The following LRRTM4 variants were observed in gnomAD, a reference collection of about 807,000 sequenced individuals.
LRRTM4 encodes the protein leucine-rich repeat transmembrane neuronal protein 4.
LRRTM4 carries 25 observed loss-of-function variants against 47.6 expected under a neutral mutation model. The ratio of observed to expected loss-of-function variants is 0.53; its 90% CI spans 0.38 to 0.73. The LOEUF (loss-of-function observed/expected upper bound fraction) is 0.73. Ranked by LOEUF, LRRTM4 falls within the 30% of genes least tolerant of loss-of-function variation. LRRTM4 has a pLI of 0.00. For missense variants in LRRTM4, 638 were observed against 713.4 expected (o/e 0.89, Z 1.20); for synonymous variants, 311 against 269.5 (o/e 1.15, Z -1.51).
chr2:77,243,773 C>T (rs1013354341), intron 3 of LRRTM4, among the ~76,000 whole-genome samples: 5 of 145,696 alleles, frequency 3.4e-5, no homozygotes, highest in Non-Finnish European at 6.0e-5. Context: ...TTTCTTTTTC[C>T]TTTTTTTTTA....
chr2:76,993,991 C>G (rs1027728635), intron 3 of LRRTM4, among the ~76,000 whole-genome samples: 1 of 151,938 alleles, frequency 6.6e-6, no homozygotes, highest in African/African-American at 2.4e-5. Context: ...TTATCCTAAG[C>G]AGATTAATGC....
chr2:76,934,904 G>A (rs183700544), intron 3 of LRRTM4, among the ~76,000 whole-genome samples: 23 of 151,854 alleles, frequency 1.5e-4, no homozygotes, highest in Non-Finnish European at 2.4e-4. Context: ...TCTAGTTTAT[G>A]ATTAAAGTAA....
chr2:76,973,598 C>G (rs1676295822), intron 3 of LRRTM4, among the ~76,000 whole-genome samples: 2 of 151,826 alleles, frequency 1.3e-5, no homozygotes, highest in South Asian at 4.1e-4. Context: ...TATTGCAGAC[C>G]ATATTACTTC....
chr2:77,466,110 A>G (rs1676972682), intron 3 of LRRTM4, among the ~76,000 whole-genome samples: 1 of 152,200 alleles, frequency 6.6e-6, no homozygotes, highest in African/African-American at 2.4e-5. Flanking sequence ...TAACTATGGG[A>G]TACATTTCTT....
intron 3 of LRRTM4, among the ~76,000 whole-genome samples, chr2:76,848,351 A>C (rs72819242): frequency 0.027 from 4,125 of 152,208 alleles, 96 homozygotes; most frequent in East Asian, 0.063. Context: ...ACCATCTGCA[A>C]ATAGTTCAAC....
At chr2:77,205,306 TA>T (rs1380313119) in intron 3 of LRRTM4, among the ~76,000 whole-genome samples, 1 of 152,124 alleles carries the variant, frequency 6.6e-6, no homozygotes, top group African/African-American at 2.4e-5. Context: ...AATAGGACGA[TA>T]TCAGATATTG....
chr2:77,024,956 G>C (rs1480350750), intron 3 of LRRTM4, among the ~76,000 whole-genome samples: 3 of 152,012 alleles, frequency 2.0e-5, no homozygotes, highest in Non-Finnish European at 4.4e-5. Flanking sequence ...GAAATTATTA[G>C]TTTTTTGTTT....
chr2:76,826,698 C>A (rs1671200550), intron 3 of LRRTM4, among the ~76,000 whole-genome samples: 1 of 151,718 alleles, frequency 6.6e-6, no homozygotes. Context: ...AAGGTTTGGT[C>A]AGCCATAAAA....
At chr2:77,144,873 C>T (rs1322949438) in intron 3 of LRRTM4, among the ~76,000 whole-genome samples, 1 of 152,058 alleles carries the variant, frequency 6.6e-6, no homozygotes, top group African/African-American at 2.4e-5. Flanking sequence ...GTAAGGACCA[C>T]TAGAAAATTG....
At chr2:77,073,843 C>A (rs1680244800) in intron 3 of LRRTM4, among the ~76,000 whole-genome samples, 1 of 151,784 alleles carries the variant, frequency 6.6e-6, no homozygotes, top group Non-Finnish European at 1.5e-5. Flanking sequence ...GACCTTCAGC[C>A]AAGTATTTTT....
intron 3 of LRRTM4, among the ~76,000 whole-genome samples, chr2:77,139,057 G>C (rs1415977512): frequency 6.6e-6 from 1 of 152,052 alleles, no homozygotes; most frequent in Non-Finnish European, 1.5e-5. Flanking sequence ...AGGAGGAGCT[G>C]GTACCATTTC....
chr2:76,816,559 T>G (rs1024631719), intron 3 of LRRTM4, among the ~76,000 whole-genome samples: 10 of 151,926 alleles, frequency 6.6e-5, no homozygotes, highest in African/African-American at 2.4e-4. Context: ...TATTTATTTT[T>G]TATTTTTTTA....
chr2:77,071,155 A>T (rs545260492), intron 3 of LRRTM4, among the ~76,000 whole-genome samples: 2 of 152,164 alleles, frequency 1.3e-5, no homozygotes, highest in Admixed American at 6.5e-5. Context: ...TCAATGCCAA[A>T]AACAAATCAT....
chr2:76,926,475 G>A (rs1413216295), intron 3 of LRRTM4, among the ~76,000 whole-genome samples: 1 of 152,096 alleles, frequency 6.6e-6, no homozygotes, highest in Non-Finnish European at 1.5e-5. Context: ...TGGGCCCGAG[G>A]TTAAATGCTA....
At chr2:76,932,182 C>A (rs769244830) in intron 3 of LRRTM4, among the ~76,000 whole-genome samples, 1 of 152,052 alleles carries the variant, frequency 6.6e-6, no homozygotes, top group Non-Finnish European at 1.5e-5. Context: ...GATGTGATCA[C>A]CTCCTTAGTA....
intron 3 of LRRTM4, among the ~76,000 whole-genome samples, chr2:76,812,781 C>CTCCTCTCCCTCCCCCCTTCCTCT (rs1670781599): frequency 7.8e-6 from 1 of 127,392 alleles, no homozygotes; most frequent in Non-Finnish European, 1.6e-5. Context: ...CCTCCCCCTC[C>CTCCTCTCCCTCCCCCCTTCCTCT]TCCTCTCCCT....
intron 3 of LRRTM4, among the ~76,000 whole-genome samples, chr2:76,795,595 ACACACAC>A (rs1675251954): frequency 7.4e-5 from 2 of 27,040 alleles, no homozygotes; most frequent in Non-Finnish European, 1.1e-4. Flanking sequence ...ACACACATAC[ACACACAC>A]TACATTTTCT....
intron 3 of LRRTM4, among the ~76,000 whole-genome samples, chr2:76,838,899 T>A (rs900577364): frequency 6.6e-6 from 1 of 152,106 alleles, no homozygotes; most frequent in Non-Finnish European, 1.5e-5. Flanking sequence ...CTGTTTTTAG[T>A]CACAAAATAA....
intron 3 of LRRTM4, among the ~76,000 whole-genome samples, chr2:76,924,519 C>T (rs553450860): frequency 6.6e-6 from 1 of 152,048 alleles, no homozygotes; most frequent in Non-Finnish European, 1.5e-5. Flanking sequence ...GCTAAACTTC[C>T]ACTGTATGGC....
Sources: allele counts gnomAD v4.1 joint callset (sites outside exome capture counted in the v4.1 genomes callset), GRCh38; gene constraint gnomAD v4.1.1; transcripts MANE v1.5; gene names NCBI Gene and HGNC (gene_info 2026-07-23, HGNC 2026-07-21).